Variants in SERBP1 observed in about 807,000 individuals in gnomAD.
The protein encoded by SERBP1 is SERPINE1 mRNA binding protein 1, also known as SERPINE1 mRNA-binding protein 1.
A neutral mutation model predicts 50.2 loss-of-function variants in SERBP1; 6 were observed. That is an observed-to-expected ratio of 0.12 (90% CI 0.07 to 0.24). SERBP1 has a LOEUF of 0.24. Ranked by LOEUF, SERBP1 falls within the 10% of genes least tolerant of loss-of-function variation. The pLI, the probability that SERBP1 is intolerant of heterozygous loss-of-function variation, is 1.00. For synonymous variants in SERBP1, 168 were observed against 182.8 expected (o/e 0.92, Z 0.65); for missense variants, 346 against 524.9 (o/e 0.66, Z 3.33).
At position 67,429,045 on chromosome 1, in the gene SERBP1, C is replaced by T. The variant is rs569450872; in HGVS notation, c.313+943G>A. Reference sequence around the variant, plus strand: ...CAAAAATCAAGACAATCCTGTGAAACTCACAGTGCCCTAGAAACAACTATT... The same window carrying T: ...CAAAAATCAAGACAATCCTGTGAAATTCACAGTGCCCTAGAAACAACTATT... On this transcript the variant is annotated intron_variant, in intron 1 of 7. Coordinates refer to ENST00000361219, the MANE Select transcript of SERBP1 (RefSeq NM_001018069.2). Among the ~76,000 whole-genome samples the T allele has an allele frequency of 4.2e-4, 64 of 152,200 alleles. 1 individual carries two copies. Among genetic ancestry groups the T allele is most frequent in the African/African-American group, 2.4e-5 (1 of 41,526 alleles).
At chr1:67,417,526 T>C (rs747783002) in intron 6 of SERBP1, among the ~76,000 whole-genome samples, 6 of 151,968 alleles carry the variant, frequency 3.9e-5, no homozygotes, top group Middle Eastern at 3.2e-3. Flanking sequence ...TTTTTTCCTT[T>C]TTTTGAAACA....
At chr1:67,425,258 T>C in intron 2 of SERBP1, 35 bp from the exon 3 acceptor site, 4 of 1,541,054 alleles carry the variant, frequency 2.6e-6, no homozygotes, top group Non-Finnish European at 3.5e-6. Flanking sequence ...ACTTCCATGG[T>C]TTCCAGAAGA....
rs542929587 is a variant in SERBP1 at position 67,418,696 on chromosome 1, T to G, written c.951+1313A>C. On this transcript the variant is annotated intron_variant, in intron 6 of 7. Coordinates refer to ENST00000361219, the MANE Select transcript of SERBP1 (RefSeq NM_001018069.2). ...ACTGTTTGAATCCGGGAGGTGGAGGTTGCGGTAAGCAGAGATGGTGCCACT... is the reference window on the plus strand; with the variant it reads ...ACTGTTTGAATCCGGGAGGTGGAGGGTGCGGTAAGCAGAGATGGTGCCACT... Among the ~76,000 whole-genome samples the G allele has an allele frequency of 1.1e-4, 16 of 152,000 alleles. No homozygotes were observed. In the South Asian group the frequency reaches 3.1e-3, roughly 30 times the overall value.
chr1:67,421,193 C>T (rs1667186358), intron 5 of SERBP1, among the ~76,000 whole-genome samples: 2 of 151,810 alleles, frequency 1.3e-5, no homozygotes. Flanking sequence ...ATCTTGGGAT[C>T]TTGGGTACTG....
At position 67,408,461 on chromosome 1, in the gene SERBP1, G is replaced by A. The variant is rs1666707292; in HGVS notation, c.*4746C>T. On this transcript the variant is annotated 3_prime_UTR_variant, in exon 8 of 8. Coordinates refer to ENST00000361219, the MANE Select transcript of SERBP1 (RefSeq NM_001018069.2). The stretch of plus-strand genomic sequence containing the variant: ...CGGTAAATCATTTTCTAACTTGTGT[G>A]GGTAACTTTTTCCCTTCCATTTAGA... 1 of 151,982 alleles carries A rather than the reference G, an allele frequency of 6.6e-6. No individual in the cohort carries two copies. The highest frequency in any genetic ancestry group is 2.4e-5 in the African/African-American group (1 of 41,360). 9.4% of individuals were successfully genotyped at this position (151,982 alleles called of 1,614,324 possible). A position where few individuals can be genotyped will look rare whatever the true frequency, so the allele number is the denominator to read the frequency against.
At chr1:67,418,580 G>A (rs1218823019) in intron 6 of SERBP1, among the ~76,000 whole-genome samples, 1 of 151,972 alleles carries the variant, frequency 6.6e-6, no homozygotes, top group South Asian at 2.1e-4. Context: ...CCAACATGAT[G>A]AAACCTCATC....
chr1:67,423,424 T>C (rs544900078), intron 5 of SERBP1, among the ~76,000 whole-genome samples: 3 of 152,008 alleles, frequency 2.0e-5, no homozygotes, highest in Admixed American at 1.3e-4. Flanking sequence ...CTGGGCAAAA[T>C]GGTGAAACCC....
Position 67,415,201 on chromosome 1 carries a change from C to A in SERBP1, c.1090G>T (p.Gly364Cys), listed in dbSNP as rs1666963761. ...CTGCTGCCACGGTTTGGGCGCCCAC[C>A]ACGCCCACGTCCACCTCGTCCTCCC... is the stretch of plus-strand genomic sequence containing the variant. Reference protein sequence around the residue: ...GRGGRGGRGRGGRPNRGSRTD... With the variant: ...GRGGRGGRGRCGRPNRGSRTD... Residue 364 changes from glycine to cysteine, a missense_variant, in exon 7 of 8, where the codon GGT (glycine) becomes TGT (cysteine). Physicochemically the swap from Gly to Cys is radical, Grantham distance 159 (BLOSUM62 -3). Around this residue, in one of 5 missense-constraint regions of SERBP1, gnomAD observed 68 missense variants for 97.3 expected, o/e 0.70. Transcript: ENST00000361219. 1 of 1,606,336 alleles carries A rather than the reference C, an allele frequency of 6.2e-7. No homozygotes were observed. Among genetic ancestry groups the A allele is most frequent in the Non-Finnish European group, 8.5e-7 (1 of 1,177,252 alleles).
At chr1:67,425,497 C>A (rs916514628) in intron 2 of SERBP1, among the ~76,000 whole-genome samples, 1 of 152,216 alleles carries the variant, frequency 6.6e-6, no homozygotes, top group Non-Finnish European at 1.5e-5. Flanking sequence ...ATAATCCAGT[C>A]CATCACTATT....
Position 67,430,349 on chromosome 1 carries a change from CG to C in SERBP1, c.-50del, listed in dbSNP as rs554945986. ...CTCCACGGATTGCAGCGGGCCGCGC[CG>C]AGCCAAGAGCGCCTGCTTCAGCTCT... On this transcript the variant is annotated 5_prime_UTR_variant, in exon 1 of 8. Coordinates refer to ENST00000361219, the MANE Select transcript of SERBP1 (RefSeq NM_001018069.2). 2.3e-3 allele frequency: 3,444 copies of C among 1,486,036 alleles called. 5 individuals carry two copies. Among genetic ancestry groups the C allele is most frequent in the Non-Finnish European group, 2.8e-3 (3,119 of 1,117,570 alleles). 92.1% of individuals were successfully genotyped at this position (1,486,036 alleles called of 1,614,324 possible). A position where few individuals can be genotyped will look rare whatever the true frequency, so the allele number is the denominator to read the frequency against.
chr1:67,421,619 A>G (rs1267233379), intron 5 of SERBP1, among the ~76,000 whole-genome samples: 3 of 152,202 alleles, frequency 2.0e-5, no homozygotes, highest in Non-Finnish European at 2.9e-5. Context: ...GTAAACAGTT[A>G]TAATCTTTGC....
chr1:67,415,377 A>G (rs769254004), intron 6 of SERBP1, 38 bp from the exon 7 acceptor site: 7 of 1,489,218 alleles, frequency 4.7e-6, no homozygotes, highest in South Asian at 1.4e-5. Context: ...TTATTAGTAG[A>G]AAAGTAACAT....
intron 5 of SERBP1, 68 bp downstream of exon 5, chr1:67,424,132 T>C: frequency 1.3e-6 from 2 of 1,502,118 alleles, no homozygotes; most frequent in Non-Finnish European, 1.8e-6. Context: ...AATCTATGGG[T>C]TATCTTATTG....
chr1:67,415,576 A>G (rs1666977853), intron 6 of SERBP1, among the ~76,000 whole-genome samples: 1 of 152,212 alleles, frequency 6.6e-6, no homozygotes, highest in Non-Finnish European at 1.5e-5. Flanking sequence ...GTCCTCAACT[A>G]AAGACATGTA....
In SERBP1 at chr1:67,426,229, T is replaced by A. The variant is rs1471856517; in HGVS notation, c.370A>T (p.Ile124Phe). ...GGTCGCCTTTCTGGTCTTCTATCAATTATTTTCCCTTCACCCTGAAGTTGT... is the reference window on the plus strand; with the variant it reads ...GGTCGCCTTTCTGGTCTTCTATCAAATATTTTCCCTTCACCCTGAAGTTGT... ...DQQLQGEGKI[I>F]DRRPERRPPR... The change falls in exon 2 of 8, where the codon ATT (isoleucine) becomes TTT (phenylalanine). Residue 124 changes from isoleucine to phenylalanine, a missense_variant. By Grantham distance (21) the Ile-to-Phe change is conservative (BLOSUM62 0). Transcript: ENST00000361219. 6.2e-7 allele frequency: 1 copy of A among 1,610,004 alleles called. No individual in the cohort carries two copies. Among genetic ancestry groups the A allele is most frequent in the Admixed American group, 1.7e-5 (1 of 59,272 alleles).
intron 7 of SERBP1, 113 bp from the exon 8 acceptor site, chr1:67,413,376 CA>C (rs1366655730): frequency 6.4e-6 from 6 of 942,132 alleles, no homozygotes. Flanking sequence ...TGGCCAGGCA[CA>C]GTGGCTCACA....
chr1:67,430,393 G>A lies in SERBP1; in HGVS notation c.-93C>T. On this transcript the variant is annotated 5_prime_UTR_variant, in exon 1 of 8. Transcript: ENST00000361219. ...TCAGCTCTTCCCACAAGATGGCCGG[G>A]CCGAGAGAGGGGGGCCGTCTTCTCT... 7.5e-7 allele frequency: 1 copy of A among 1,334,404 alleles called. No homozygotes were observed. Among genetic ancestry groups the A allele is most frequent in the East Asian group, 2.5e-5 (1 of 40,064 alleles). 82.7% of individuals were successfully genotyped at this position (1,334,404 alleles called of 1,614,324 possible). A position where few individuals can be genotyped will look rare whatever the true frequency, so the allele number is the denominator to read the frequency against.
chr1:67,413,536 C>T (rs1217429714), intron 7 of SERBP1, among the ~76,000 whole-genome samples: 2 of 151,528 alleles, frequency 1.3e-5, no homozygotes, highest in East Asian at 2.0e-4. Flanking sequence ...TGTGATCCCA[C>T]TACTCAAGAG....
intron 2 of SERBP1, 152 bp downstream of exon 2, chr1:67,425,983 G>T: frequency 1.7e-6 from 1 of 584,860 alleles, no homozygotes; most frequent in Non-Finnish European, 2.9e-6. Flanking sequence ...GTGGTGGCGT[G>T]ACCTTGTAGT....
Sources: allele counts gnomAD v4.1 joint callset (sites outside exome capture counted in the v4.1 genomes callset), GRCh38; gene constraint gnomAD v4.1.1; regional missense constraint gnomAD v4.1.1; transcripts MANE v1.5; gene names NCBI Gene and HGNC (gene_info 2026-07-23, HGNC 2026-07-21).